The following NEDD1 variants were observed in gnomAD, a reference collection of about 807,000 sequenced individuals.
NEDD1 encodes protein NEDD1.
A neutral mutation model predicts 74.0 loss-of-function variants in NEDD1; 33 were observed. The ratio of observed to expected loss-of-function variants is 0.45; its 90% CI spans 0.34 to 0.60. The LOEUF (loss-of-function observed/expected upper bound fraction) is 0.60. NEDD1 is among the 20% of genes least tolerant of loss of function. The pLI, the probability that NEDD1 is intolerant of heterozygous loss-of-function variation, is 0.01. For missense variants in NEDD1, 746 were observed against 776.5 expected (o/e 0.96, Z 0.47); for synonymous variants, 250 against 264.4 (o/e 0.95, Z 0.53).
chr12:96,912,445 C>G (rs1874014836), intron 3 of NEDD1: 1 of 234,750 alleles, frequency 4.3e-6, no homozygotes, highest in South Asian at 1.5e-4. Context: ...GCCCTTCTGG[C>G]CTACTCTTTG....
At chr12:96,944,517 T>C in intron 12 of NEDD1, 122 bp from the exon 13 acceptor site, 1 of 520,750 alleles carries the variant, frequency 1.9e-6, no homozygotes, top group East Asian at 3.4e-5. Flanking sequence ...TATCTCTTCC[T>C]ATTTTCCTTC....
At chr12:96,935,847 A>C (rs1877030771) in intron 7 of NEDD1, among the ~76,000 whole-genome samples, 2 of 152,232 alleles carry the variant, frequency 1.3e-5, no homozygotes, top group African/African-American at 4.8e-5. Flanking sequence ...AAACAAAAGA[A>C]TGCAAGAGTG....
intron 4 of NEDD1, 132 bp downstream of exon 4, chr12:96,912,949 T>C (rs558834683): frequency 8.9e-6 from 5 of 562,240 alleles, no homozygotes; most frequent in African/African-American, 1.9e-5. Context: ...CTCAAAATAA[T>C]ATAGTAACAC....
chr12:96,916,554 T>C (rs1330062637), intron 4 of NEDD1, among the ~76,000 whole-genome samples: 2 of 145,094 alleles, frequency 1.4e-5, no homozygotes, highest in East Asian at 2.0e-4. Flanking sequence ...TGGTTTCCAA[T>C]TTCATCCATG....
At chr12:96,932,674 A>T (rs763136870) in intron 6 of NEDD1, among the ~76,000 whole-genome samples, 1 of 150,806 alleles carries the variant, frequency 6.6e-6, no homozygotes, top group Non-Finnish European at 1.5e-5. Flanking sequence ...ATAATTGGAG[A>T]CATTTAAAGA....
At chr12:96,936,340 A>G (rs1175258700) in intron 7 of NEDD1, among the ~76,000 whole-genome samples, 2 of 152,190 alleles carry the variant, frequency 1.3e-5, no homozygotes, top group Non-Finnish European at 2.9e-5. Context: ...TTAAAGAAAT[A>G]GGTGCTGCTT....
At chr12:96,912,931 A>T in intron 4 of NEDD1, 114 bp downstream of exon 4, 1 of 587,166 alleles carries the variant, frequency 1.7e-6, no homozygotes, top group Non-Finnish European at 3.0e-6. Context: ...CATTATTTTT[A>T]ACTTAAGCTC....
Position 96,944,653 on chromosome 12 carries a change from C to CAGAT in NEDD1, c.1513_1514insGATA (p.Thr505ArgfsTer6). The CAGAT allele has an allele frequency of 6.3e-7, 1 of 1,589,662 alleles. No individual in the cohort carries two copies. Among genetic ancestry groups the CAGAT allele is most frequent in the Non-Finnish European group, 8.6e-7 (1 of 1,164,932 alleles). ...TAAATATAAAGTTAGCAAAGTTGGTCACATCTGGTGCTGAAAGTGGAAATC... is the reference window on the plus strand; with the variant it reads ...TAAATATAAAGTTAGCAAAGTTGGTCAGATACATCTGGTGCTGAAAGTGGAAATC... On this transcript the variant is annotated frameshift_variant, in exon 13 of 16. Coordinates refer to ENST00000266742, the MANE Select transcript of NEDD1 (RefSeq NM_152905.4). LOFTEE classifies it high-confidence loss of function.
chr12:96,950,371 GTATACACTTGAGT>G lies in NEDD1; in HGVS notation c.1812-1058_1812-1046del, dbSNP rs578059708. 3.3e-3 allele frequency among the ~76,000 whole-genome samples: 497 copies of G among 152,068 alleles called. 6 individuals carry two copies. Among genetic ancestry groups the G allele is most frequent in the African/African-American group, 0.012 (481 of 41,554 alleles). The stretch of plus-strand genomic sequence containing the variant: ...AAACAATTTGCATGATTTTGTAAAA[GTATACACTTGAGT>G]TACAGTTGGTTATATCATCAATGGA... On this transcript the variant is annotated intron_variant, in intron 14 of 15. Transcript: ENST00000266742.
At chr12:96,931,454 A>G (rs1219452642) in intron 6 of NEDD1, among the ~76,000 whole-genome samples, 2 of 152,228 alleles carry the variant, frequency 1.3e-5, no homozygotes, top group Non-Finnish European at 2.9e-5. Flanking sequence ...TATTTTAAAA[A>G]TCTTCATAGC....
rs1259139215 is a variant in NEDD1 at position 96,912,472 on chromosome 12, TC to T, written c.137-250del. 9 of 299,050 alleles carry T rather than the reference TC, an allele frequency of 3.0e-5. No individual in the cohort carries two copies. The East Asian group carries it at 5.2e-4, about 17-fold the overall frequency. The allele number at this position is 299,050 out of a possible 1,614,324, so 18.5% of individuals were successfully genotyped here. Reference sequence around the variant, plus strand: ...TACTCTTTGAAAACAGAGTAGTATTTCACGTGGGTTAAATAGCTTTTGAGTG... The same window carrying T: ...TACTCTTTGAAAACAGAGTAGTATTTACGTGGGTTAAATAGCTTTTGAGTG... On this transcript the variant is annotated intron_variant, in intron 3 of 15. Transcript: ENST00000266742.
chr12:96,949,345 C>T (rs894269743), intron 14 of NEDD1, among the ~76,000 whole-genome samples: 6 of 151,970 alleles, frequency 3.9e-5, no homozygotes, highest in African/African-American at 1.5e-4. Context: ...ATAGTTAGAA[C>T]AGAAAAACAA....
At chr12:96,914,840 G>A (rs933510445) in intron 4 of NEDD1, among the ~76,000 whole-genome samples, 8 of 152,086 alleles carry the variant, frequency 5.3e-5, no homozygotes, top group East Asian at 3.9e-4. Flanking sequence ...TTCATTAGTT[G>A]CATTAATAAT....
rs911043664 is a variant in NEDD1 at position 96,953,641 on chromosome 12, A to C, written c.*1588A>C. 1 of 151,898 alleles carries C rather than the reference A, an allele frequency of 6.6e-6. No individual in the cohort carries two copies. Among genetic ancestry groups the C allele is most frequent in the African/African-American group, 2.4e-5 (1 of 41,430 alleles). The allele number at this position is 151,898 out of a possible 1,614,324, so 9.4% of individuals were successfully genotyped here. On this transcript the variant is annotated 3_prime_UTR_variant, in exon 16 of 16. Transcript: ENST00000266742. ...TACAGATGAAACATTTTTGTCATGGAATTTAAAAGCTAAGTAAGTATAAAA... is the reference window on the plus strand; with the variant it reads ...TACAGATGAAACATTTTTGTCATGGCATTTAAAAGCTAAGTAAGTATAAAA...
At chr12:96,944,054 TACA>T (rs1248341723) in intron 12 of NEDD1, among the ~76,000 whole-genome samples, 2 of 152,068 alleles carry the variant, frequency 1.3e-5, no homozygotes, top group Non-Finnish European at 2.9e-5. Flanking sequence ...CATTGCAGTA[TACA>T]ACATCAAGTT....
At chr12:96,943,847 T>C (rs1877919691) in intron 12 of NEDD1, 85 bp downstream of exon 12, 1 of 747,518 alleles carries the variant, frequency 1.3e-6, no homozygotes, top group Non-Finnish European at 2.3e-6. Context: ...ATCCTAATTA[T>C]TAGCATTGCT....
In NEDD1 at chr12:96,920,051, C is replaced by T. The variant is rs1874898938; in HGVS notation, c.415C>T (p.Leu139Phe). 2 of 1,602,180 alleles carry T rather than the reference C, an allele frequency of 1.2e-6. No homozygotes were observed. The highest frequency in any genetic ancestry group is 8.5e-7 in the Non-Finnish European group (1 of 1,169,706). Reference protein sequence around the residue: ...WNDCYIASGSLSGEIILHSVT... With the variant: ...WNDCYIASGSFSGEIILHSVT... ...TGATTGCTACATTGCTTCTGGATCT[C>T]TTAGTGGTGAAATTATTTTACACAG... The change falls in exon 6 of 16, where the codon CTT becomes TTT. Residue 139 changes from leucine to phenylalanine, a missense_variant. Coordinates refer to ENST00000266742, the MANE Select transcript of NEDD1 (RefSeq NM_152905.4).
intron 6 of NEDD1, among the ~76,000 whole-genome samples, chr12:96,924,252 C>T (rs1489784894): frequency 1.3e-5 from 2 of 152,080 alleles, no homozygotes; most frequent in African/African-American, 4.8e-5. Context: ...CTTATTGTAG[C>T]TTTATGGTAG....
At chr12:96,932,457 A>AT (rs1167914093) in intron 6 of NEDD1, among the ~76,000 whole-genome samples, 3 of 12,766 alleles carry the variant, frequency 2.3e-4, no homozygotes, top group Non-Finnish European at 3.4e-4. Context: ...AAAAAAAAAA[A>AT]AAAAAAATAT....
Sources: allele counts gnomAD v4.1 joint callset (sites outside exome capture counted in the v4.1 genomes callset), GRCh38; gene constraint gnomAD v4.1.1; transcripts MANE v1.5; gene names NCBI Gene and HGNC (gene_info 2026-07-23, HGNC 2026-07-21).